HSD17B12: variants seen among roughly 807,000 people sequenced by gnomAD.
HSD17B12 encodes very-long-chain 3-oxoacyl-CoA reductase.
Under a neutral mutation model 39.3 loss-of-function variants are expected in HSD17B12, and 32 were observed. The ratio of observed to expected loss-of-function variants is 0.81; its 90% CI spans 0.61 to 1.09. HSD17B12 has a LOEUF of 1.09. Among genes scored for constraint, HSD17B12 ranks in the 50% least tolerant of loss-of-function variants. The probability of loss-of-function intolerance (pLI) is 0.00; values close to 1 mark genes in which losing one functional copy is unlikely to be tolerated. For missense variants in HSD17B12, 342 were observed against 382.9 expected, an observed-to-expected ratio of 0.89 and a Z score of 0.89; for synonymous variants, 150 against 146.7, an observed-to-expected ratio of 1.02 and a Z score of -0.16.
At chr11:43,713,949 C>T (rs1950095635) in intron 1 of HSD17B12, among the ~76,000 whole-genome samples, 1 of 152,122 alleles carries the variant, frequency 6.6e-6, no homozygotes, top group South Asian at 2.1e-4. Flanking sequence ...CTGTTCATAT[C>T]CTTCACCCAC....
chr11:43,828,141 C>CTTTTTTT (rs551697407), intron 6 of HSD17B12, among the ~76,000 whole-genome samples: 2 of 131,272 alleles, frequency 1.5e-5, no homozygotes, highest in Non-Finnish European at 3.3e-5. Context: ...TTGTCTACTT[C>CTTTTTTT]TTTTTTTTTT....
the HSD17B12 span, among the ~76,000 whole-genome samples, chr11:43,602,090 A>G: frequency 6.6e-6 from 1 of 152,246 alleles, no homozygotes; most frequent in East Asian, 1.9e-4. Context: ...AGGCAATGCT[A>G]TTCTTCCCTC....
chr11:43,710,534 T>G (rs1005393633), intron 1 of HSD17B12, among the ~76,000 whole-genome samples: 3 of 152,220 alleles, frequency 2.0e-5, no homozygotes, highest in African/African-American at 7.2e-5. Flanking sequence ...AAATGATATG[T>G]GATTTAAGTT....
chr11:43,656,242 AT>A, the HSD17B12 span, among the ~76,000 whole-genome samples: 1 of 149,170 alleles, frequency 6.7e-6, no homozygotes, highest in Non-Finnish European at 1.5e-5. Flanking sequence ...CTGTGGGATC[AT>A]TTCCCCCCTT....
chr11:43,816,617 A>T lies in HSD17B12; in HGVS notation c.501+226A>T, dbSNP rs539275921. Among the ~76,000 whole-genome samples the T allele has an allele frequency of 9.9e-5, 15 of 152,026 alleles. No homozygotes were observed. In the South Asian group the frequency reaches 1.7e-3, roughly 17 times the overall value. On this transcript the variant is annotated intron_variant, in intron 6 of 10. Coordinates refer to ENST00000278353, the MANE Select transcript of HSD17B12 (RefSeq NM_016142.3). ...TCATTTATTTTTATTTTATTTAATT[A>T]TTTAATTTTTTATTTCCATAGGTTA...
At chr11:43,619,247 T>TATATATATGATATATATATATAAA in the HSD17B12 span, among the ~76,000 whole-genome samples, 133 of 50,252 alleles carry the variant, frequency 2.6e-3, 5 homozygotes, top group East Asian at 1.0e-2. Flanking sequence ...ATATATAAAA[T>TATATATATGATATATATATATAAA]ATATATATAT....
chr11:43,571,384 C>G, the HSD17B12 span, among the ~76,000 whole-genome samples: 1 of 152,214 alleles, frequency 6.6e-6, no homozygotes. Flanking sequence ...CTGCCCCAGC[C>G]TCAGCCCCCT....
At chr11:43,631,336 A>G in the HSD17B12 span, among the ~76,000 whole-genome samples, 7 of 152,186 alleles carry the variant, frequency 4.6e-5, no homozygotes, top group Non-Finnish European at 1.0e-4. Flanking sequence ...GAGAGCTCTG[A>G]GATAGTAAAG....
intron 3 of HSD17B12, among the ~76,000 whole-genome samples, chr11:43,788,360 T>C (rs1950835419): frequency 6.6e-6 from 1 of 152,222 alleles, no homozygotes; most frequent in African/African-American, 2.4e-5. Flanking sequence ...TTGCCTCATA[T>C]GCAGAACTAG....
the HSD17B12 span, among the ~76,000 whole-genome samples, chr11:43,572,003 C>T: frequency 5.3e-5 from 8 of 152,092 alleles, no homozygotes; most frequent in Admixed American, 1.3e-4. Context: ...TCTGAAGGAG[C>T]GACGGAGGAC....
chr11:43,710,595 T>C (rs1460634124), intron 1 of HSD17B12, among the ~76,000 whole-genome samples: 1 of 152,204 alleles, frequency 6.6e-6, no homozygotes, highest in Non-Finnish European at 1.5e-5. Flanking sequence ...TAATGAATTA[T>C]GTTTTAAGAT....
intron 3 of HSD17B12, among the ~76,000 whole-genome samples, chr11:43,758,533 A>C (rs1209061429): frequency 6.6e-6 from 1 of 152,194 alleles, no homozygotes; most frequent in Non-Finnish European, 1.5e-5. Context: ...GTAATTCTGC[A>C]ACTGGCACAT....
intron 3 of HSD17B12, among the ~76,000 whole-genome samples, chr11:43,788,655 C>A (rs1950838363): frequency 2.3e-5 from 3 of 130,972 alleles, no homozygotes; most frequent in East Asian, 2.3e-4. Context: ...AGCTGTGTAT[C>A]TTCTACTCTG....
At chr11:43,633,653 G>T in the HSD17B12 span, among the ~76,000 whole-genome samples, 1 of 152,158 alleles carries the variant, frequency 6.6e-6, no homozygotes, top group African/African-American at 2.4e-5. Flanking sequence ...GGTTGAGAAA[G>T]AATGTTTTTA....
chr11:43,807,009 A>ACACTGTTAT (rs59081894), intron 4 of HSD17B12, among the ~76,000 whole-genome samples: 98,933 of 151,328 alleles, frequency 0.65, 32,665 homozygotes, highest in East Asian at 0.75. Context: ...AATAAGAAAG[A>ACACTGTTAT]CACTGTTATC....
the HSD17B12 span, among the ~76,000 whole-genome samples, chr11:43,575,084 G>A: frequency 6.6e-6 from 1 of 152,192 alleles, no homozygotes; most frequent in Non-Finnish European, 1.5e-5. This position sits in a 1 kb window ranked among gnomAD's most constrained non-coding sequence, Gnocchi z 4.1. Flanking sequence ...CCCACACAGG[G>A]GAGCCCCTAA....
chr11:43,701,109 A>G (rs1246704236), intron 1 of HSD17B12, among the ~76,000 whole-genome samples: 1 of 152,268 alleles, frequency 6.6e-6, no homozygotes, highest in East Asian at 1.9e-4. Context: ...ACCTTTTCAT[A>G]TGCCTGTTTG....
At chr11:43,671,343 C>A in the HSD17B12 span, among the ~76,000 whole-genome samples, 1 of 152,176 alleles carries the variant, frequency 6.6e-6, no homozygotes, top group Non-Finnish European at 1.5e-5. Context: ...CCACACCCAG[C>A]TAATTTTTGT....
At chr11:43,672,775 A>T in the HSD17B12 span, among the ~76,000 whole-genome samples, 178 of 150,676 alleles carry the variant, frequency 1.2e-3, no homozygotes, top group Non-Finnish European at 2.2e-3. Flanking sequence ...TCCTGACCTC[A>T]GGTGATCCGC....
Sources: gnomAD v4.1 joint callset for allele counts (sites outside exome capture counted in the v4.1 genomes callset) on GRCh38, gnomAD v4.1.1 for gene constraint, Gnocchi (gnomAD v3.1) non-coding constraint, MANE v1.5 for transcripts, NCBI Gene and HGNC (gene_info 2026-07-23, HGNC 2026-07-21) for gene names.